The following TNFSF4 variants were observed in gnomAD, a reference collection of about 807,000 sequenced individuals.
TNFSF4 encodes the protein TNF superfamily member 4, also known as tumor necrosis factor ligand superfamily member 4.
TNFSF4 carries 4 observed loss-of-function variants against 7.3 expected under a neutral mutation model. The ratio of observed to expected loss-of-function variants is 0.55; its 90% CI spans 0.27 to 1.25. The LOEUF (loss-of-function observed/expected upper bound fraction) is 1.25. TNFSF4 is among the 50% of genes most tolerant of loss of function. The pLI is 0.12. For synonymous variants in TNFSF4, 76 were observed against 83.7 expected (o/e 0.91, Z 0.50); for missense variants, 181 against 208.8 (o/e 0.87, Z 0.82).
At chr1:173,419,071 G>A in the TNFSF4 span, among the ~76,000 whole-genome samples, 2 of 152,356 alleles carry the variant, frequency 1.3e-5, no homozygotes, top group South Asian at 2.1e-4. Context: ...CGGGTGCTGT[G>A]GCTCACGCCT....
chr1:173,227,770 C>T, the TNFSF4 span, among the ~76,000 whole-genome samples: 2 of 152,222 alleles, frequency 1.3e-5, no homozygotes, highest in East Asian at 1.9e-4. Context: ...TCTTAGCAAA[C>T]GGCACACCAG....
chr1:173,445,277 G>A, the TNFSF4 span, among the ~76,000 whole-genome samples: 9,572 of 152,248 alleles, frequency 0.063, 1,000 homozygotes, highest in African/African-American at 0.22. Context: ...AATTTGCACA[G>A]GATTAAGTTT....
chr1:173,260,895 C>T, the TNFSF4 span, among the ~76,000 whole-genome samples: 2 of 152,172 alleles, frequency 1.3e-5, no homozygotes, highest in Admixed American at 6.5e-5. Flanking sequence ...TAATGGGCAT[C>T]TTTAACACCC....
chr1:173,216,100 A>C, the TNFSF4 span, among the ~76,000 whole-genome samples: 1 of 152,172 alleles, frequency 6.6e-6, no homozygotes, highest in Admixed American at 6.6e-5. Flanking sequence ...CAGAAGACTA[A>C]GCGCAGATCC....
chr1:173,387,412 C>G, the TNFSF4 span, among the ~76,000 whole-genome samples: 13 of 152,156 alleles, frequency 8.5e-5, no homozygotes, highest in Non-Finnish European at 1.3e-4. Flanking sequence ...GGAGAGCAGC[C>G]CTCACCAGAC....
At chr1:173,271,086 T>C in the TNFSF4 span, among the ~76,000 whole-genome samples, 1 of 152,202 alleles carries the variant, frequency 6.6e-6, no homozygotes, top group African/African-American at 2.4e-5. Context: ...TCTACCATTC[T>C]GTAGGTTGCC....
chr1:173,400,541 T>A, the TNFSF4 span, among the ~76,000 whole-genome samples: 76 of 152,308 alleles, frequency 5.0e-4, no homozygotes, highest in East Asian at 0.011. Context: ...ACAACAATGG[T>A]TCCATTGAAT....
chr1:173,273,962 T>G, the TNFSF4 span, among the ~76,000 whole-genome samples: 18 of 152,222 alleles, frequency 1.2e-4, no homozygotes, highest in Non-Finnish European at 2.1e-4. Flanking sequence ...TATTTCTAAT[T>G]ACAAAAGTGA....
At chr1:173,328,051 A>C in the TNFSF4 span, among the ~76,000 whole-genome samples, 1 of 152,206 alleles carries the variant, frequency 6.6e-6, no homozygotes, top group African/African-American at 2.4e-5. Flanking sequence ...AGACACATGC[A>C]CATGTATGGT....
the TNFSF4 span, among the ~76,000 whole-genome samples, chr1:173,449,066 G>A: frequency 1.3e-5 from 2 of 152,070 alleles, no homozygotes; most frequent in Non-Finnish European, 2.9e-5. Context: ...TTCATGAATC[G>A]CTTAGCATCA....
chr1:173,291,783 C>G, the TNFSF4 span, among the ~76,000 whole-genome samples: 1 of 151,568 alleles, frequency 6.6e-6, no homozygotes, highest in South Asian at 2.1e-4. Flanking sequence ...AGAAAAGATC[C>G]CTATAAACAC....
chr1:173,187,776 T>C (rs1375217525), intron 2 of TNFSF4, among the ~76,000 whole-genome samples: 1 of 152,228 alleles, frequency 6.6e-6, no homozygotes, highest in Non-Finnish European at 1.5e-5. Flanking sequence ...GAACTTCTTT[T>C]ATTTCCTTAT....
chr1:173,442,545 G>GTTTTTTTTTTTTT, the TNFSF4 span, among the ~76,000 whole-genome samples: 88 of 93,448 alleles, frequency 9.4e-4, 8 homozygotes, highest in Non-Finnish European at 1.2e-3. Flanking sequence ...TTTCGTTTTT[G>GTTTTTTTTTTTTT]TTTTTGTTTT....
the TNFSF4 span, among the ~76,000 whole-genome samples, chr1:173,385,145 C>T: frequency 6.6e-6 from 1 of 152,172 alleles, no homozygotes; most frequent in African/African-American, 2.4e-5. Flanking sequence ...ACAATGAATC[C>T]TTTATTCAAA....
At chr1:173,448,690 T>C in the TNFSF4 span, among the ~76,000 whole-genome samples, 3 of 152,182 alleles carry the variant, frequency 2.0e-5, no homozygotes, top group Non-Finnish European at 4.4e-5. Flanking sequence ...GGTAATGTCA[T>C]CACTTAAGGC....
At chr1:173,362,374 C>T in the TNFSF4 span, 29 of 401,188 alleles carry the variant, frequency 7.2e-5, 1 homozygote, top group Admixed American at 1.8e-4. Flanking sequence ...TCATACTGTA[C>T]GCCTTCTTAT....
the TNFSF4 span, among the ~76,000 whole-genome samples, chr1:173,313,613 G>T: frequency 2.0e-5 from 3 of 151,836 alleles, no homozygotes; most frequent in Non-Finnish European, 4.4e-5. Flanking sequence ...ATTTTCTCTC[G>T]GTTTTTCTTC....
At chr1:173,419,936 T>C in the TNFSF4 span, among the ~76,000 whole-genome samples, 1 of 152,072 alleles carries the variant, frequency 6.6e-6, no homozygotes, top group Non-Finnish European at 1.5e-5. Flanking sequence ...GCGGTCCAAA[T>C]GGAATGCAGT....
At chr1:173,415,139 C>T in the TNFSF4 span, among the ~76,000 whole-genome samples, 2 of 152,218 alleles carry the variant, frequency 1.3e-5, no homozygotes, top group African/African-American at 2.4e-5. Flanking sequence ...TTGCAATAAT[C>T]TTGACCCTTA....
Sources: gnomAD v4.1 joint callset for allele counts (sites outside exome capture counted in the v4.1 genomes callset) on GRCh38, gnomAD v4.1.1 for gene constraint, MANE v1.5 for transcripts, NCBI Gene and HGNC (gene_info 2026-07-23, HGNC 2026-07-21) for gene names.